The following RARB variants were observed in gnomAD, a reference collection of about 807,000 sequenced individuals.
RARB encodes the protein retinoic acid receptor beta, also known as HBV-activated protein.
RARB carries 17 observed loss-of-function variants against 51.9 expected under a neutral mutation model. The ratio of observed to expected loss-of-function variants is 0.33; its 90% confidence interval spans 0.22 to 0.49. The LOEUF (loss-of-function observed/expected upper bound fraction) is 0.49. Ranked by LOEUF, RARB falls within the 20% of genes least tolerant of loss-of-function variation. RARB has a pLI of 0.99. For missense variants in RARB, 369 were observed against 550.8 expected (o/e 0.67, Z 3.30); for synonymous variants, 215 against 195.4 (o/e 1.10, Z -0.84).
At chr3:25,288,276 A>G (rs1312221818) in intron 5 of RARB, among the ~76,000 whole-genome samples, 2 of 152,154 alleles carry the variant, frequency 1.3e-5, no homozygotes, top group Non-Finnish European at 2.9e-5. Flanking sequence ...TGGATATTAA[A>G]AATAAAAACA....
At chr3:25,339,576 C>T (rs1483834) in intron 5 of RARB, among the ~76,000 whole-genome samples, 3,833 of 143,946 alleles carry the variant, frequency 0.027, 183 homozygotes, top group African/African-American at 0.092. Context: ...TTTAATTCAG[C>T]TGAAGTTTTT....
chr3:25,558,623 T>G (rs549419841), intron 3 of RARB, among the ~76,000 whole-genome samples: 7 of 149,760 alleles, frequency 4.7e-5, no homozygotes, highest in African/African-American at 1.7e-4. Flanking sequence ...GTTTGACTCC[T>G]AAATAATCTA....
At position 25,563,397 on chromosome 3, in the gene RARB, A is replaced by C. The variant is rs1417215060; in HGVS notation, c.449-6361A>C. ...AGAAAACTTAGCTGCAGCCTCATTC[A>C]CTGACCTTTTTTCTCTGTATATTTG... On this transcript the variant is annotated intron_variant, in intron 3 of 7. Coordinates refer to ENST00000330688, the MANE Select transcript of RARB (RefSeq NM_000965.5). Among the ~76,000 whole-genome samples, 6 of 152,174 alleles carry C rather than the reference A, an allele frequency of 3.9e-5. No individual in the cohort carries two copies. The East Asian group carries it at 1.2e-3, about 29-fold the overall frequency.
At chr3:25,420,616 T>G (rs1454055292) in intron 5 of RARB, among the ~76,000 whole-genome samples, 1 of 152,188 alleles carries the variant, frequency 6.6e-6, no homozygotes, top group Non-Finnish European at 1.5e-5. Flanking sequence ...AGTTTTACTT[T>G]TGTCCCTCTC....
At chr3:25,296,920 C>G (rs1200350910) in intron 5 of RARB, among the ~76,000 whole-genome samples, 1 of 152,140 alleles carries the variant, frequency 6.6e-6, no homozygotes, top group African/African-American at 2.4e-5. Context: ...AGAAGATATG[C>G]CTTCAGTGTC....
At chr3:25,113,363 A>T (rs1559471041) in intron 3 of RARB, among the ~76,000 whole-genome samples, 1 of 152,208 alleles carries the variant, frequency 6.6e-6, no homozygotes, top group African/African-American at 2.4e-5. Flanking sequence ...ATTTCCTAAA[A>T]GTCTAATTTT....
intron 5 of RARB, among the ~76,000 whole-genome samples, chr3:25,327,820 G>T (rs1704770343): frequency 6.6e-6 from 1 of 152,112 alleles, no homozygotes; most frequent in Non-Finnish European, 1.5e-5. Flanking sequence ...TATATTATCT[G>T]GTCTATTTGA....
intron 5 of RARB, among the ~76,000 whole-genome samples, chr3:25,331,723 A>C (rs1235135369): frequency 6.6e-6 from 1 of 152,176 alleles, no homozygotes; most frequent in Non-Finnish European, 1.5e-5. Flanking sequence ...TCAAAAAATC[A>C]ATGAATCCAG....
intron 5 of RARB, among the ~76,000 whole-genome samples, chr3:25,353,254 A>G (rs1370973068): frequency 2.6e-5 from 4 of 152,156 alleles, no homozygotes; most frequent in Non-Finnish European, 5.9e-5. Context: ...CCAGCTCTGA[A>G]TTCTCACAGT....
intron 2 of RARB, among the ~76,000 whole-genome samples, chr3:24,980,836 G>C (rs956690099): frequency 1.3e-5 from 2 of 152,202 alleles, no homozygotes; most frequent in African/African-American, 4.8e-5. Flanking sequence ...CTTTGGAGGA[G>C]AAGAGGCATT....
chr3:25,055,047 A>G (rs1420999505), intron 2 of RARB, among the ~76,000 whole-genome samples: 1 of 152,278 alleles, frequency 6.6e-6, no homozygotes, highest in East Asian at 1.9e-4. Flanking sequence ...AAATTGTGAC[A>G]CCGGTTTCAG....
At chr3:25,299,847 C>G (rs966622627) in intron 5 of RARB, among the ~76,000 whole-genome samples, 3 of 152,092 alleles carry the variant, frequency 2.0e-5, no homozygotes, top group African/African-American at 2.4e-5. Context: ...CTTTCCTGTT[C>G]AAGAGTAATT....
intron 2 of RARB, among the ~76,000 whole-genome samples, chr3:24,910,548 A>G (rs1694970473): frequency 6.6e-6 from 1 of 152,214 alleles, no homozygotes; most frequent in South Asian, 2.1e-4. Context: ...TTGCTCTAAC[A>G]GATACTCCCC....
At chr3:25,500,234 G>A (rs1369632010) in intron 2 of RARB, among the ~76,000 whole-genome samples, 1 of 152,084 alleles carries the variant, frequency 6.6e-6, no homozygotes, top group Admixed American at 6.5e-5. Flanking sequence ...GATTTAAGTA[G>A]CCTCATGTGA....
At chr3:25,507,423 G>A (rs546348414) in intron 3 of RARB, among the ~76,000 whole-genome samples, 6 of 152,318 alleles carry the variant, frequency 3.9e-5, no homozygotes, top group African/African-American at 1.4e-4. Flanking sequence ...TGGAGGCTGT[G>A]TTTTCTACCT....
intron 3 of RARB, among the ~76,000 whole-genome samples, chr3:25,115,537 C>A (rs963669446): frequency 9.2e-5 from 14 of 152,010 alleles, no homozygotes; most frequent in African/African-American, 3.1e-4. Flanking sequence ...TTTGTCTCTT[C>A]TTTCCTTCTT....
intron 2 of RARB, among the ~76,000 whole-genome samples, chr3:24,916,861 A>G (rs1345720896): frequency 1.3e-5 from 2 of 152,144 alleles, no homozygotes; most frequent in African/African-American, 4.8e-5. Flanking sequence ...AGGATAATGC[A>G]TAAACAAACT....
chr3:25,248,334 C>A (rs1225405527), intron 5 of RARB, among the ~76,000 whole-genome samples: 2 of 152,066 alleles, frequency 1.3e-5, no homozygotes, highest in African/African-American at 4.8e-5. Context: ...GCCACTCTAT[C>A]CTTTAAGTGA....
At chr3:25,338,880 C>A (rs1173202889) in intron 5 of RARB, among the ~76,000 whole-genome samples, 2 of 152,132 alleles carry the variant, frequency 1.3e-5, no homozygotes, top group East Asian at 1.9e-4. Flanking sequence ...CCCAAAATCA[C>A]CACTCAAAGG....
Sources: allele counts gnomAD v4.1 joint callset (sites outside exome capture counted in the v4.1 genomes callset), GRCh38; gene constraint gnomAD v4.1.1; transcripts MANE v1.5; gene names NCBI Gene and HGNC (gene_info 2026-07-23, HGNC 2026-07-21).